Variants in IDI1 observed in about 807,000 individuals in gnomAD.
IDI1 encodes the protein isopentenyl-diphosphate Delta-isomerase 1.
Under a neutral mutation model 32.9 loss-of-function variants are expected in IDI1, and 23 were observed. That is an observed-to-expected ratio of 0.70 (90% CI 0.50 to 0.99). The LOEUF is 0.99. Ranked by LOEUF, IDI1 falls within the 50% of genes least tolerant of loss-of-function variation. The pLI, the probability that IDI1 is intolerant of heterozygous loss-of-function variation, is 0.00. For synonymous variants in IDI1, 133 were observed against 128.2 expected (o/e 1.04, Z -0.25); for missense variants, 326 against 351.9 (o/e 0.93, Z 0.59).
At chr10:1,048,580 A>G in intron 1 of IDI1, 3 of 1,362,128 alleles carry the variant, frequency 2.2e-6, no homozygotes, top group South Asian at 3.1e-5. Context: ...ACCTCAGGTG[A>G]CTGTGCGCAG....
rs1832902320 is a variant in IDI1 at position 1,049,043 on chromosome 10, A to G, written c.-40T>C. The G allele has an allele frequency of 6.2e-6, 9 of 1,455,646 alleles. No individual in the cohort carries two copies. Among genetic ancestry groups the G allele is most frequent in the Non-Finnish European group, 8.1e-6 (9 of 1,112,712 alleles). 90.2% of individuals were successfully genotyped at this position (1,455,646 alleles called of 1,614,324 possible). A position where few individuals can be genotyped will look rare whatever the true frequency, so the allele number is the denominator to read the frequency against. ...GCGCCCGTACGCGCTTGACGACACA[A>G]TCTCGCCAAGCTTCGCCTGGTGGTG... is the stretch of plus-strand genomic sequence containing the variant. On this transcript the variant is annotated 5_prime_UTR_variant, in exon 1 of 5. Coordinates refer to ENST00000381344, the MANE Select transcript of IDI1 (RefSeq NM_004508.4).
intron 1 of IDI1, chr10:1,048,149 C>A: frequency 1.0e-6 from 1 of 1,003,312 alleles, no homozygotes; most frequent in Non-Finnish European, 1.4e-6. Flanking sequence ...GCGTGCACCA[C>A]CGCCCAGCTG....
intron 2 of IDI1, chr10:1,043,743 T>C (rs777009553): frequency 1.2e-5 from 8 of 661,718 alleles, no homozygotes; most frequent in Admixed American, 1.0e-4. Flanking sequence ...TGCTGCTGTA[T>C]GTCAGGGCTA....
At position 1,048,923 on chromosome 10, in the gene IDI1, G is replaced by C; in HGVS notation, c.81C>G (p.Asp27Glu). The C allele has an allele frequency of 6.3e-7, 1 of 1,599,104 alleles. No individual in the cohort carries two copies. Among genetic ancestry groups the C allele is most frequent in the Non-Finnish European group, 8.5e-7 (1 of 1,175,206 alleles). The change falls in exon 1 of 5, where the codon GAC (aspartate) becomes GAG (glutamate). Residue 27 changes from aspartate (D) to glutamate (E), a missense_variant. Physicochemically the swap from Asp to Glu is conservative, Grantham distance 45. Transcript: ENST00000381344. ...GRGQWAVRAA[D>E]CAQSGRHPGP... is the part of the protein sequence containing the mutation. Reference sequence around the variant, plus strand: ...CCGGATGGCGCCCGCTTTGAGCACAGTCTGCGGCGCGCACCGCCCACTGGC... The same window carrying C: ...CCGGATGGCGCCCGCTTTGAGCACACTCTGCGGCGCGCACCGCCCACTGGC...
At chr10:1,050,148 T>C (rs557298546), upstream of IDI1, among the ~76,000 whole-genome samples, 3 of 152,348 alleles carry the variant, frequency 2.0e-5, no homozygotes, top group Admixed American at 6.5e-5. Flanking sequence ...TTTTGCTCAC[T>C]GTTGTTTACT....
chr10:1,049,138 T>G (rs1832907116), upstream of IDI1: 2 of 1,376,132 alleles, frequency 1.5e-6, no homozygotes, highest in African/African-American at 1.5e-5. Context: ...CCGCGGGCTC[T>G]GGCGCCTTTA....
intron 1 of IDI1, chr10:1,048,355 C>T (rs1589056280): frequency 1.5e-6 from 2 of 1,304,996 alleles, no homozygotes; most frequent in East Asian, 5.5e-5. Context: ...CTGCTCCATT[C>T]CCAGGAGAAG....
chr10:1,051,917 G>A (rs1228857030), upstream of IDI1, among the ~76,000 whole-genome samples: 1 of 152,162 alleles, frequency 6.6e-6, no homozygotes, highest in Non-Finnish European at 1.5e-5. Flanking sequence ...CTTTCGCCCA[G>A]GCTGAAGTGC....
At chr10:1,049,197 G>A, upstream of IDI1, 1 of 948,140 alleles carries the variant, frequency 1.1e-6, no homozygotes, top group Non-Finnish European at 1.5e-6. Flanking sequence ...AGCGTCCCGC[G>A]ACTGGGCGGT....
intron 4 of IDI1, chr10:1,042,428 TC>T (rs1832630804): frequency 1.8e-6 from 1 of 540,564 alleles, no homozygotes; most frequent in East Asian, 3.7e-5. Context: ...GATCAATCCA[TC>T]CCCGTATTGA....
chr10:1,055,527 GCC>G, the IDI1 span, among the ~76,000 whole-genome samples: 2 of 152,094 alleles, frequency 1.3e-5, no homozygotes, highest in Non-Finnish European at 2.9e-5. Flanking sequence ...TTGCTGCCAT[GCC>G]CAGTACAATG....
upstream of IDI1, among the ~76,000 whole-genome samples, chr10:1,053,277 C>T (rs983023422): frequency 3.9e-5 from 6 of 152,248 alleles, no homozygotes; most frequent in African/African-American, 1.4e-4. Flanking sequence ...GCTGGAATTA[C>T]AGGCATAAGC....
intron 4 of IDI1, among the ~76,000 whole-genome samples, chr10:1,042,196 C>G (rs966833133): frequency 6.6e-6 from 1 of 151,948 alleles, no homozygotes; most frequent in Non-Finnish European, 1.5e-5. Flanking sequence ...TTAAGGGGGA[C>G]AATTCCAAGA....
chr10:1,043,009 A>G (rs542865215), intron 3 of IDI1, among the ~76,000 whole-genome samples: 1 of 152,352 alleles, frequency 6.6e-6, no homozygotes, highest in East Asian at 1.9e-4. Flanking sequence ...AACAGACTAC[A>G]TTTGTAGGTA....
upstream of IDI1, among the ~76,000 whole-genome samples, chr10:1,053,942 CAGA>C (rs1185507009): frequency 6.6e-6 from 1 of 152,004 alleles, no homozygotes; most frequent in African/African-American, 2.4e-5. Flanking sequence ...GAGGTCTGAG[CAGA>C]AGGAGAGAGA....
rs775247765 is a variant in IDI1 at position 1,048,892 on chromosome 10, C to G, written c.112G>C (p.Ala38Pro). The change falls in exon 1 of 5, where the codon GCG becomes CCG. Residue 38 changes from alanine to proline, a missense_variant. By Grantham distance (27) the Ala-to-Pro change is conservative (BLOSUM62 -1). This residue lies in a region of IDI1 where 121 missense variants were observed against 78.4 expected (regional missense o/e 1.54). Transcript: ENST00000381344. ...CAQSGRHPGP[A>P]VVCGRRLISV... ...ATCAGCCTCCGGCCACAGACAACCG[C>G]CGGTCCCGGATGGCGCCCGCTTTGA... The G allele has an allele frequency of 3.7e-5, 59 of 1,607,430 alleles. No individual in the cohort carries two copies. In the East Asian group the frequency reaches 1.3e-3, roughly 36 times the overall value.
intron 1 of IDI1, among the ~76,000 whole-genome samples, chr10:1,045,787 A>G (rs1361232598): frequency 6.6e-6 from 1 of 152,216 alleles, no homozygotes; most frequent in African/African-American, 2.4e-5. Flanking sequence ...CTTTCAACAG[A>G]GTTCAAGCAT....
rs1040078721 is a variant in IDI1, at chr10:1,039,854, T to C, written c.*1333A>G. ...ACAATATTATAAATGCAACGGAAAC[T>C]ATACAGGCAATATCCTATTAGTGTA... On this transcript the variant is annotated 3_prime_UTR_variant, in exon 5 of 5. Transcript: ENST00000381344. 5.3e-5 allele frequency: 8 copies of C among 152,192 alleles called. No homozygotes were observed. The highest frequency in any genetic ancestry group is 3.9e-4 in the Admixed American group (6 of 15,286). 9.4% of individuals were successfully genotyped at this position (152,192 alleles called of 1,614,324 possible).
intron 3 of IDI1, 56 bp from the exon 4 acceptor site, chr10:1,042,818 A>T (rs1388727194): frequency 2.0e-6 from 3 of 1,516,426 alleles, no homozygotes; most frequent in Non-Finnish European, 2.7e-6. Context: ...GGTCTGAAAG[A>T]TCAAGAAAAA....
Sources: gnomAD v4.1 joint callset for allele counts (sites outside exome capture counted in the v4.1 genomes callset) on GRCh38, gnomAD v4.1.1 for gene constraint, gnomAD v4.1.1 regional missense constraint, MANE v1.5 for transcripts, NCBI Gene and HGNC (gene_info 2026-07-23, HGNC 2026-07-21) for gene names.